ZNG1E: variants seen among roughly 807,000 people sequenced by gnomAD.
ZNG1E encodes the protein zinc-regulated GTPase metalloprotein activator 1E.
At chr9:65,656,234 T>C in the ZNG1E span, among the ~76,000 whole-genome samples, 1 of 144,286 alleles carries the variant, frequency 6.9e-6, no homozygotes. Context: ...GTAGAGGTGA[T>C]CAATTACAGA....
the ZNG1E span, among the ~76,000 whole-genome samples, chr9:65,717,288 C>T: frequency 6.7e-6 from 1 of 149,522 alleles, no homozygotes; most frequent in Non-Finnish European, 1.5e-5. Flanking sequence ...CAGCCCTAAG[C>T]ATAAATTTGG....
At chr9:65,667,153 T>C in the ZNG1E span, among the ~76,000 whole-genome samples, 1 of 152,248 alleles carries the variant, frequency 6.6e-6, no homozygotes, top group Non-Finnish European at 1.5e-5. Flanking sequence ...TATGAATAGC[T>C]AAGCTATACT....
chr9:65,721,064 G>A, the ZNG1E span, among the ~76,000 whole-genome samples: 2 of 149,874 alleles, frequency 1.3e-5, no homozygotes, highest in African/African-American at 2.5e-5. Flanking sequence ...GGTAAAGAAC[G>A]TGATGCCAAG....
chr9:65,684,862 A>G, the ZNG1E span, among the ~76,000 whole-genome samples: 1 of 152,176 alleles, frequency 6.6e-6, no homozygotes, highest in South Asian at 2.1e-4. Flanking sequence ...AGAGTGAGTC[A>G]CACACATTTT....
chr9:65,694,239 TA>T, the ZNG1E span, among the ~76,000 whole-genome samples: 1 of 150,820 alleles, frequency 6.6e-6, no homozygotes. Flanking sequence ...ACCTCTTCCA[TA>T]AATTTATTAC....
the ZNG1E span, among the ~76,000 whole-genome samples, chr9:65,664,102 A>G: frequency 6.6e-6 from 1 of 152,184 alleles, no homozygotes; most frequent in Non-Finnish European, 1.5e-5. Flanking sequence ...TTCACCTTAT[A>G]TCACTTATAA....
the ZNG1E span, among the ~76,000 whole-genome samples, chr9:65,666,727 A>C: frequency 6.7e-6 from 1 of 149,264 alleles, no homozygotes; most frequent in Non-Finnish European, 1.5e-5. Context: ...GATTTACAGA[A>C]TTTCATGAAC....
the ZNG1E span, among the ~76,000 whole-genome samples, chr9:65,661,769 T>C: frequency 6.6e-6 from 1 of 152,232 alleles, no homozygotes; most frequent in Non-Finnish European, 1.5e-5. Context: ...AAGAGATTAA[T>C]TGTACACAGA....
At chr9:65,664,345 G>T in the ZNG1E span, among the ~76,000 whole-genome samples, 1 of 147,614 alleles carries the variant, frequency 6.8e-6, no homozygotes, top group Non-Finnish European at 1.5e-5. Flanking sequence ...GGAGGTAATT[G>T]AATTATGGGG....
the ZNG1E span, among the ~76,000 whole-genome samples, chr9:65,727,252 C>G: frequency 6.8e-6 from 1 of 147,326 alleles, no homozygotes; most frequent in South Asian, 2.2e-4. Context: ...GAAACAAATC[C>G]TGGAAACATA....
At chr9:65,699,459 TG>T in the ZNG1E span, among the ~76,000 whole-genome samples, 6 of 90,580 alleles carry the variant, frequency 6.6e-5, no homozygotes, top group Non-Finnish European at 1.3e-4. Flanking sequence ...TTTACTATCC[TG>T]TTAATAGAAA....
chr9:65,693,339 A>T, the ZNG1E span: 1 of 1,218,388 alleles, frequency 8.2e-7, no homozygotes, highest in African/African-American at 1.5e-5. Flanking sequence ...AAGATCTTTA[A>T]AAGTATGTTG....
chr9:65,687,873 T>C, the ZNG1E span, among the ~76,000 whole-genome samples: 1 of 151,168 alleles, frequency 6.6e-6, no homozygotes, highest in East Asian at 1.9e-4. Context: ...AAGGTATATC[T>C]AAGTGTCACT....
the ZNG1E span, among the ~76,000 whole-genome samples, chr9:65,699,322 TG>T: frequency 7.6e-6 from 1 of 130,992 alleles, no homozygotes; most frequent in African/African-American, 2.9e-5. Context: ...GGATTTGTGA[TG>T]TACATACTGT....
chr9:65,661,926 A>G, the ZNG1E span, among the ~76,000 whole-genome samples: 1 of 152,386 alleles, frequency 6.6e-6, no homozygotes, highest in East Asian at 1.9e-4. Flanking sequence ...GTAATTTTGA[A>G]AAAGAATAAT....
chr9:65,658,566 G>A, the ZNG1E span, among the ~76,000 whole-genome samples: 3 of 150,126 alleles, frequency 2.0e-5, no homozygotes, highest in Non-Finnish European at 4.4e-5. Flanking sequence ...CAGATTGTAA[G>A]AGACTACTTG....
the ZNG1E span, among the ~76,000 whole-genome samples, chr9:65,715,099 G>C: frequency 6.7e-6 from 1 of 149,478 alleles, no homozygotes; most frequent in Non-Finnish European, 1.5e-5. Context: ...ACAATCTCCT[G>C]GTGCGCCGTT....
the ZNG1E span, among the ~76,000 whole-genome samples, chr9:65,728,277 C>A: frequency 2.0e-5 from 3 of 151,770 alleles, no homozygotes; most frequent in East Asian, 3.9e-4. Flanking sequence ...GCCCTAAATG[C>A]CTCCATCAAA....
At chr9:65,712,779 GTGGTCAATTT>G in the ZNG1E span, among the ~76,000 whole-genome samples, 98 of 28,088 alleles carry the variant, frequency 3.5e-3, no homozygotes, top group Admixed American at 5.1e-3. Context: ...TTCCAAGTAT[GTGGTCAATTT>G]TGGAATAGGT....
Sources: allele counts gnomAD v4.1 joint callset (sites outside exome capture counted in the v4.1 genomes callset), GRCh38; gene constraint gnomAD v4.1.1; transcripts MANE v1.5; gene names NCBI Gene and HGNC (gene_info 2026-07-23, HGNC 2026-07-21).